The following SHISA9 variants were observed in gnomAD, a reference collection of about 807,000 sequenced individuals.
SHISA9 encodes shisa family member 9, also known as protein shisa-9.
A neutral mutation model predicts 38.0 loss-of-function variants in SHISA9; 13 were observed. The observed-to-expected ratio is 0.34, with a 90% CI of 0.22 to 0.54. The LOEUF is 0.54. Ranked by LOEUF, SHISA9 falls within the 20% of genes least tolerant of loss-of-function variation. SHISA9 has a pLI of 0.91. For synonymous variants in SHISA9, 275 were observed against 242.0 expected (o/e 1.14, Z -1.27); for missense variants, 538 against 575.8 (o/e 0.93, Z 0.67).
At chr16:13,388,475 C>A in the SHISA9 span, among the ~76,000 whole-genome samples, 1 of 152,142 alleles carries the variant, frequency 6.6e-6, no homozygotes, top group Admixed American at 6.5e-5. Context: ...CCATGCCCAG[C>A]TAATTTTTGT....
intron 4 of SHISA9, among the ~76,000 whole-genome samples, chr16:13,217,409 A>G (rs758273440): frequency 1.3e-5 from 2 of 152,214 alleles, no homozygotes; most frequent in African/African-American, 2.4e-5. Context: ...GCAAACAGAA[A>G]CTTTAAACTT....
the SHISA9 span, among the ~76,000 whole-genome samples, chr16:13,496,415 C>T: frequency 6.6e-6 from 1 of 151,978 alleles, no homozygotes; most frequent in Admixed American, 6.5e-5. Flanking sequence ...TTTAGTACAA[C>T]TAGAATAAGA....
the SHISA9 span, among the ~76,000 whole-genome samples, chr16:13,343,043 AC>A: frequency 6.6e-6 from 1 of 152,262 alleles, no homozygotes; most frequent in Non-Finnish European, 1.5e-5. Context: ...TTAACATATT[AC>A]CTAGCACATG....
At chr16:13,082,501 G>C (rs970048086) in intron 2 of SHISA9, 2 of 152,174 alleles carry the variant, frequency 1.3e-5, no homozygotes, top group African/African-American at 4.8e-5. Flanking sequence ...ACAGAAGAGA[G>C]AGTGTCTCTG....
At chr16:13,121,408 C>A (rs995679694) in intron 2 of SHISA9, among the ~76,000 whole-genome samples, 1 of 152,050 alleles carries the variant, frequency 6.6e-6, no homozygotes, top group Non-Finnish European at 1.5e-5. Context: ...AGAAGGATTG[C>A]TTGAACACAA....
intron 2 of SHISA9, among the ~76,000 whole-genome samples, chr16:12,962,088 C>T (rs2071919135): frequency 6.6e-6 from 1 of 152,266 alleles, no homozygotes; most frequent in African/African-American, 2.4e-5. Flanking sequence ...CCCGTCTTGC[C>T]TGCACTGGCC....
the SHISA9 span, among the ~76,000 whole-genome samples, chr16:13,274,529 A>G: frequency 6.6e-6 from 1 of 152,136 alleles, no homozygotes; most frequent in South Asian, 2.1e-4. Context: ...TTTAAGTTTT[A>G]ATTAATTATT....
chr16:12,942,033 G>C (rs1324856987), intron 2 of SHISA9, among the ~76,000 whole-genome samples: 4 of 152,004 alleles, frequency 2.6e-5, no homozygotes, highest in African/African-American at 9.7e-5. Context: ...GGATTAATTT[G>C]TTGCTTGGGC....
intron 2 of SHISA9, among the ~76,000 whole-genome samples, chr16:13,148,410 T>C (rs1228767377): frequency 6.6e-6 from 1 of 151,920 alleles, no homozygotes; most frequent in Non-Finnish European, 1.5e-5. Context: ...ACAATCCATA[T>C]TTTTGGCCAT....
intron 2 of SHISA9, among the ~76,000 whole-genome samples, chr16:13,035,193 A>G (rs2073039826): frequency 6.6e-6 from 1 of 152,216 alleles, no homozygotes; most frequent in Non-Finnish European, 1.5e-5. Context: ...TATTTTGAGT[A>G]TTCACTATGC....
At chr16:12,972,968 T>C (rs2072104041) in intron 2 of SHISA9, among the ~76,000 whole-genome samples, 3 of 151,968 alleles carry the variant, frequency 2.0e-5, no homozygotes, top group Admixed American at 2.0e-4. Context: ...ATGCAAAAAT[T>C]AGCCAGGCGT....
chr16:13,105,327 A>G (rs934865964), intron 2 of SHISA9, among the ~76,000 whole-genome samples: 2 of 152,204 alleles, frequency 1.3e-5, no homozygotes, highest in Admixed American at 1.3e-4. Flanking sequence ...GAGATGCGGT[A>G]AGCATTGCTA....
chr16:13,131,967 T>C (rs2050310353), intron 2 of SHISA9, among the ~76,000 whole-genome samples: 1 of 152,232 alleles, frequency 6.6e-6, no homozygotes, highest in Non-Finnish European at 1.5e-5. Context: ...AGTCACTGTT[T>C]AGTCTTCAGT....
intron 2 of SHISA9, among the ~76,000 whole-genome samples, chr16:13,046,581 T>C (rs766220426): frequency 2.2e-4 from 33 of 152,196 alleles, no homozygotes; most frequent in Admixed American, 7.9e-4. Flanking sequence ...CAGGGCAAGT[T>C]TCATAAAAAA....
the SHISA9 span, among the ~76,000 whole-genome samples, chr16:13,254,666 C>G: frequency 1.3e-5 from 2 of 152,360 alleles, no homozygotes; most frequent in East Asian, 1.9e-4. Flanking sequence ...ATCACCTCCC[C>G]CAGAACCAAA....
At chr16:13,003,049 G>C (rs1252649763) in intron 2 of SHISA9, among the ~76,000 whole-genome samples, 1 of 152,164 alleles carries the variant, frequency 6.6e-6, no homozygotes, top group Non-Finnish European at 1.5e-5. Flanking sequence ...AGTTGGTGTT[G>C]GCCAGGGGAG....
chr16:13,391,457 A>T, the SHISA9 span, among the ~76,000 whole-genome samples: 1 of 152,180 alleles, frequency 6.6e-6, no homozygotes, highest in Non-Finnish European at 1.5e-5. Flanking sequence ...GAGATACTGA[A>T]GTATTATACT....
chr16:13,393,366 C>T, the SHISA9 span, among the ~76,000 whole-genome samples: 2 of 152,182 alleles, frequency 1.3e-5, no homozygotes, highest in African/African-American at 4.8e-5. Flanking sequence ...TGTGGCCATT[C>T]CTTTCCCCAA....
At chr16:13,000,108 C>G (rs980559740) in intron 2 of SHISA9, among the ~76,000 whole-genome samples, 2 of 151,934 alleles carry the variant, frequency 1.3e-5, no homozygotes, top group Admixed American at 1.3e-4. Context: ...CATGGCTATT[C>G]TATGAATTAG....
Sources: gnomAD v4.1 joint callset for allele counts (sites outside exome capture counted in the v4.1 genomes callset) on GRCh38, gnomAD v4.1.1 for gene constraint, MANE v1.5 for transcripts, NCBI Gene and HGNC (gene_info 2026-07-23, HGNC 2026-07-21) for gene names.